Variants in RABGAP1L observed in about 807,000 individuals in gnomAD.
The protein encoded by RABGAP1L is RAB GTPase activating protein 1 like, also known as rab GTPase-activating protein 1-like.
A neutral mutation model predicts 137.7 loss-of-function variants in RABGAP1L; 63 were observed. The observed-to-expected ratio is 0.46, with a 90% confidence interval of 0.37 to 0.56. RABGAP1L has a LOEUF of 0.56. Among genes scored for constraint, RABGAP1L ranks in the 20% least tolerant of loss-of-function variants. The probability of loss-of-function intolerance (pLI) is 0.00; values close to 1 mark genes in which losing one functional copy is unlikely to be tolerated. For missense variants in RABGAP1L, 1,095 were observed against 1,244.0 expected, an observed-to-expected ratio of 0.88 and a Z score of 1.80; for synonymous variants, 431 against 433.7, an observed-to-expected ratio of 0.99 and a Z score of 0.08.
chr1:174,619,338 C>G (rs1240055220), intron 13 of RABGAP1L, among the ~76,000 whole-genome samples: 2 of 152,144 alleles, frequency 1.3e-5, no homozygotes, highest in Non-Finnish European at 2.9e-5. Context: ...ACATAATTGT[C>G]AGATTCACCA....
In RABGAP1L at chr1:174,159,910, C is replaced by A. The variant is rs372074218; in HGVS notation, c.-34+253C>A. 4 of 152,310 alleles carry A rather than the reference C, an allele frequency of 2.6e-5. No individual in the cohort carries two copies. The South Asian group carries it at 6.2e-4, about 24-fold the overall frequency. 9.4% of individuals were successfully genotyped at this position (152,310 alleles called of 1,614,324 possible). The stretch of plus-strand genomic sequence containing the variant: ...GCGGATAGGGCGGGCGGGGTCGGCG[C>A]CCTTACCTGGGGGTGGGGTAGTGGC... On this transcript the variant is annotated intron_variant, in intron 1 of 25. Coordinates refer to ENST00000681986, the MANE Select transcript of RABGAP1L (RefSeq NM_001366446.1).
At chr1:174,602,886 G>A (rs1432985564) in intron 13 of RABGAP1L, among the ~76,000 whole-genome samples, 1 of 152,010 alleles carries the variant, frequency 6.6e-6, no homozygotes, top group South Asian at 2.1e-4. Flanking sequence ...CTTCAAAATA[G>A]GTATTTTGAA....
chr1:174,326,504 G>T (rs1304374820), intron 11 of RABGAP1L, among the ~76,000 whole-genome samples: 1 of 152,172 alleles, frequency 6.6e-6, no homozygotes, highest in Non-Finnish European at 1.5e-5. Context: ...TATATAGTTG[G>T]AGGAGAAAAA....
chr1:174,349,528 C>T (rs1456769837), intron 11 of RABGAP1L, among the ~76,000 whole-genome samples: 25 of 127,312 alleles, frequency 2.0e-4, no homozygotes, highest in African/African-American at 6.2e-4. Context: ...CCAGTAGGGG[C>T]GGCCGGGCAG....
chr1:174,230,838 G>GT (rs987871061), intron 3 of RABGAP1L, among the ~76,000 whole-genome samples: 18 of 151,784 alleles, frequency 1.2e-4, no homozygotes, highest in Admixed American at 2.0e-4. Flanking sequence ...ATCTTTTTGA[G>GT]TTTTTTTTAA....
intron 13 of RABGAP1L, among the ~76,000 whole-genome samples, chr1:174,533,071 A>G (rs762468089): frequency 3.0e-4 from 45 of 152,136 alleles, no homozygotes; most frequent in Admixed American, 1.8e-3. Context: ...TGTCTCTACT[A>G]AAAATACAAA....
At chr1:174,718,172 C>T (rs1433893143) in intron 17 of RABGAP1L, among the ~76,000 whole-genome samples, 2 of 152,200 alleles carry the variant, frequency 1.3e-5, no homozygotes, top group African/African-American at 4.8e-5. Flanking sequence ...GCCCTGTGGT[C>T]TTCCTTCCTT....
chr1:174,225,494 C>CTTTTT (rs59323156), intron 3 of RABGAP1L, among the ~76,000 whole-genome samples: 8 of 105,730 alleles, frequency 7.6e-5, no homozygotes, highest in African/African-American at 2.8e-4. Context: ...AGAATGTTGA[C>CTTTTT]TTTTTTTTTT....
chr1:174,945,816 T>A (rs1256251478), intron 19 of RABGAP1L: 1 of 152,210 alleles, frequency 6.6e-6, no homozygotes, highest in Non-Finnish European at 1.5e-5. Flanking sequence ...ACTGACTGAT[T>A]CCAGTACCTT....
intron 11 of RABGAP1L, among the ~76,000 whole-genome samples, chr1:174,351,275 C>T (rs997092205): frequency 2.0e-5 from 3 of 152,108 alleles, no homozygotes; most frequent in Non-Finnish European, 4.4e-5. Flanking sequence ...AGTTTTGTAT[C>T]CTCAGATAAT....
chr1:174,360,614 T>C (rs1684057158), intron 11 of RABGAP1L, among the ~76,000 whole-genome samples: 1 of 152,162 alleles, frequency 6.6e-6, no homozygotes, highest in Non-Finnish European at 1.5e-5. Flanking sequence ...ATATAACTTG[T>C]AGCTGGGATA....
At chr1:174,613,580 G>T (rs11487401) in intron 13 of RABGAP1L, among the ~76,000 whole-genome samples, 1 of 151,874 alleles carries the variant, frequency 6.6e-6, no homozygotes, top group Non-Finnish European at 1.5e-5. Context: ...GGTCTGCTTG[G>T]TGCAGAGCTG....
intron 18 of RABGAP1L, among the ~76,000 whole-genome samples, chr1:174,768,903 A>G (rs1685881406): frequency 6.6e-6 from 1 of 152,228 alleles, no homozygotes; most frequent in African/African-American, 2.4e-5. Flanking sequence ...CACTGCTAAC[A>G]GTACAATGTT....
intron 13 of RABGAP1L, among the ~76,000 whole-genome samples, chr1:174,436,227 C>G (rs1159719816): frequency 6.6e-6 from 1 of 152,178 alleles, no homozygotes; most frequent in Non-Finnish European, 1.5e-5. Flanking sequence ...TGAGGAATTG[C>G]CACACTGACT....
intron 13 of RABGAP1L, among the ~76,000 whole-genome samples, chr1:174,401,680 C>T (rs576375452): frequency 5.2e-4 from 79 of 152,244 alleles, no homozygotes; most frequent in African/African-American, 1.9e-3. Flanking sequence ...AGAGGCTATG[C>T]TAAGCACTAG....
At chr1:174,674,679 G>A (rs567141120) in intron 14 of RABGAP1L, among the ~76,000 whole-genome samples, 1 of 150,554 alleles carries the variant, frequency 6.6e-6, no homozygotes, top group East Asian at 2.0e-4. Flanking sequence ...TTCCACAATG[G>A]TTGAACTAGT....
chr1:174,562,079 T>C (rs1295492082), intron 13 of RABGAP1L, among the ~76,000 whole-genome samples: 1 of 152,132 alleles, frequency 6.6e-6, no homozygotes, highest in African/African-American at 2.4e-5. Flanking sequence ...ATCTACAGAA[T>C]TGGAGAAAAT....
chr1:174,979,141 C>T lies in RABGAP1L; in HGVS notation c.2733+251C>T, dbSNP rs565654626. The stretch of plus-strand genomic sequence containing the variant: ...TTGAGGCTGCAGTGAACTATGATTG[C>T]ACCACTGTACTCCAGCCTGGGCAAC... On this transcript the variant is annotated intron_variant, in intron 23 of 25. Transcript: ENST00000681986. Among the ~76,000 whole-genome samples the T allele has an allele frequency of 7.2e-5, 11 of 152,204 alleles. No homozygotes were observed. The South Asian group carries it at 1.9e-3, about 26-fold the overall frequency.
At chr1:174,934,242 C>A (rs1664345377) in intron 19 of RABGAP1L, among the ~76,000 whole-genome samples, 2 of 152,010 alleles carry the variant, frequency 1.3e-5, no homozygotes, top group South Asian at 4.1e-4. Context: ...GCATGCACCA[C>A]CACACCCAGC....
Sources: allele counts gnomAD v4.1 joint callset (sites outside exome capture counted in the v4.1 genomes callset), GRCh38; gene constraint gnomAD v4.1.1; transcripts MANE v1.5; gene names NCBI Gene and HGNC (gene_info 2026-07-23, HGNC 2026-07-21).